The following LRRC1 variants were observed in gnomAD, a reference collection of about 807,000 sequenced individuals.
LRRC1 encodes leucine rich repeat containing 1.
Under a neutral mutation model 69.9 loss-of-function variants are expected in LRRC1, and 28 were observed. The ratio of observed to expected loss-of-function variants is 0.40; its 90% CI spans 0.30 to 0.55. LRRC1 has a LOEUF of 0.55. Ranked by LOEUF, LRRC1 falls within the 20% of genes least tolerant of loss-of-function variation. The pLI is 0.47. For synonymous variants in LRRC1, 236 were observed against 240.2 expected (o/e 0.98, Z 0.16); for missense variants, 498 against 609.0 (o/e 0.82, Z 1.92).
chr6:53,812,622 G>A (rs1312991559), intron 1 of LRRC1, among the ~76,000 whole-genome samples: 1 of 150,156 alleles, frequency 6.7e-6, no homozygotes, highest in Admixed American at 6.6e-5. Flanking sequence ...CCCGGGAGGC[G>A]GAGCTTGCAG....
chr6:53,883,181 A>G (rs1054346167), intron 4 of LRRC1, among the ~76,000 whole-genome samples: 17 of 152,304 alleles, frequency 1.1e-4, no homozygotes, highest in African/African-American at 3.6e-4. Flanking sequence ...TAAAAAGGGT[A>G]CTGCTACTTG....
chr6:53,832,695 A>C (rs1253457643), intron 1 of LRRC1, among the ~76,000 whole-genome samples: 1 of 152,190 alleles, frequency 6.6e-6, no homozygotes, highest in Non-Finnish European at 1.5e-5. Flanking sequence ...AGGAAAAACA[A>C]CCCTTTCTAG....
chr6:53,805,155 A>G (rs977947725), intron 1 of LRRC1, among the ~76,000 whole-genome samples: 2 of 152,142 alleles, frequency 1.3e-5, no homozygotes, highest in African/African-American at 2.4e-5. Flanking sequence ...GACGACTAAC[A>G]TCTAATACTT....
intron 1 of LRRC1, among the ~76,000 whole-genome samples, chr6:53,818,672 A>G (rs1765023692): frequency 6.6e-6 from 1 of 152,236 alleles, no homozygotes; most frequent in African/African-American, 2.4e-5. Context: ...GAGAAAGATA[A>G]CAGGGGAAAG....
chr6:53,815,967 A>T (rs1463688181), intron 1 of LRRC1, among the ~76,000 whole-genome samples: 2 of 152,198 alleles, frequency 1.3e-5, no homozygotes, highest in African/African-American at 4.8e-5. Flanking sequence ...GTACCCAAGC[A>T]TGTTGCTGCT....
At chr6:53,921,664 TA>T (rs1768747070) in intron 13 of LRRC1, among the ~76,000 whole-genome samples, 1 of 152,218 alleles carries the variant, frequency 6.6e-6, no homozygotes, top group Non-Finnish European at 1.5e-5. Context: ...TTTGGCTTCT[TA>T]AATTCCTTGA....
At chr6:53,898,157 T>G (rs1305843618) in intron 7 of LRRC1, among the ~76,000 whole-genome samples, 1 of 151,120 alleles carries the variant, frequency 6.6e-6, no homozygotes, top group Non-Finnish European at 1.5e-5. Flanking sequence ...AGAAAGCACT[T>G]TAGTAAATTT....
chr6:53,867,574 T>C (rs1037951423), intron 2 of LRRC1, among the ~76,000 whole-genome samples: 3 of 152,342 alleles, frequency 2.0e-5, no homozygotes, highest in East Asian at 1.9e-4. Flanking sequence ...TTTATAAATA[T>C]CAAATTTTAT....
At chr6:53,841,248 G>A (rs1235573778) in intron 1 of LRRC1, among the ~76,000 whole-genome samples, 2 of 152,208 alleles carry the variant, frequency 1.3e-5, no homozygotes, top group African/African-American at 2.4e-5. Flanking sequence ...GCAGGGTAGA[G>A]AAGAGAATAT....
intron 1 of LRRC1, among the ~76,000 whole-genome samples, chr6:53,823,665 A>G (rs970553111): frequency 5.9e-5 from 9 of 152,032 alleles, no homozygotes; most frequent in Non-Finnish European, 1.3e-4. Context: ...CCTCCACCTC[A>G]GGTAGGCCCC....
At chr6:53,846,409 C>A (rs552524294) in intron 2 of LRRC1, among the ~76,000 whole-genome samples, 4 of 152,326 alleles carry the variant, frequency 2.6e-5, no homozygotes, top group Admixed American at 1.3e-4. Flanking sequence ...ATGTGCTCAG[C>A]AGAGAGGACC....
At chr6:53,922,527 T>C in intron 13 of LRRC1, 108 bp from the exon 14 acceptor site, 1 of 1,015,898 alleles carries the variant, frequency 9.8e-7, no homozygotes, top group South Asian at 1.9e-5. Flanking sequence ...ATTTTAAGAA[T>C]TTCTAAGAAG....
At chr6:53,903,414 C>G (rs1456344612) in intron 9 of LRRC1, among the ~76,000 whole-genome samples, 1 of 152,122 alleles carries the variant, frequency 6.6e-6, no homozygotes, top group Non-Finnish European at 1.5e-5. Flanking sequence ...CCTGCTGCCC[C>G]CTCTGCTTTT....
chr6:53,811,213 T>A (rs565164564), intron 1 of LRRC1, among the ~76,000 whole-genome samples: 1 of 152,206 alleles, frequency 6.6e-6, no homozygotes, highest in Non-Finnish European at 1.5e-5. Flanking sequence ...GAGGGCCCAG[T>A]GATGACAGGA....
intron 4 of LRRC1, among the ~76,000 whole-genome samples, chr6:53,888,375 A>C (rs1767563447): frequency 6.6e-6 from 1 of 152,206 alleles, no homozygotes; most frequent in African/African-American, 2.4e-5. Context: ...AAAAAGTATA[A>C]AATTCTTAGG....
chr6:53,899,212 T>A (rs2127436404), intron 7 of LRRC1, among the ~76,000 whole-genome samples: 1 of 152,228 alleles, frequency 6.6e-6, no homozygotes, highest in East Asian at 1.9e-4. Flanking sequence ...CTAAAGGCAG[T>A]ATGCTGCTTT....
chr6:53,888,774 G>A (rs1302108955), intron 4 of LRRC1, among the ~76,000 whole-genome samples: 1 of 152,296 alleles, frequency 6.6e-6, no homozygotes, highest in East Asian at 1.9e-4. Context: ...GAAAACAGGG[G>A]TAAATCTTTG....
intron 2 of LRRC1, among the ~76,000 whole-genome samples, chr6:53,868,610 G>A (rs1766785369): frequency 6.6e-6 from 1 of 152,128 alleles, no homozygotes; most frequent in African/African-American, 2.4e-5. Flanking sequence ...GTGTTCTAGT[G>A]TGCCGTTTAT....
chr6:53,840,990 G>C (rs983980891), intron 1 of LRRC1, among the ~76,000 whole-genome samples: 4 of 151,538 alleles, frequency 2.6e-5, no homozygotes, highest in Non-Finnish European at 4.4e-5. Context: ...GGGCCTGTTT[G>C]GAAGCTCCGT....
Sources: allele counts gnomAD v4.1 joint callset (sites outside exome capture counted in the v4.1 genomes callset), GRCh38; gene constraint gnomAD v4.1.1; transcripts MANE v1.5; gene names NCBI Gene and HGNC (gene_info 2026-07-23, HGNC 2026-07-21).